OSBPL11: variants seen among roughly 807,000 people sequenced by gnomAD.
OSBPL11 encodes the protein oxysterol-binding protein-related protein 11.
In OSBPL11, 33 loss-of-function variants were observed where a neutral mutation model predicts 84.4. The observed-to-expected ratio is 0.39, with a 90% confidence interval of 0.30 to 0.52. OSBPL11 has a LOEUF of 0.52. OSBPL11 is among the 20% of genes least tolerant of loss of function. The pLI is 0.72. For missense variants in OSBPL11, 736 were observed against 901.1 expected, an observed-to-expected ratio of 0.82 and a Z score of 2.35; for synonymous variants, 276 against 310.2, an observed-to-expected ratio of 0.89 and a Z score of 1.16.
intron 12 of OSBPL11, among the ~76,000 whole-genome samples, chr3:125,531,479 C>T (rs1580027201): frequency 6.6e-6 from 1 of 150,996 alleles, no homozygotes; most frequent in Admixed American, 6.6e-5. Context: ...TTAGTAGAGA[C>T]TGGGTTTCTC....
At chr3:125,538,237 A>G (rs1222570834) in intron 11 of OSBPL11, among the ~76,000 whole-genome samples, 6 of 152,178 alleles carry the variant, frequency 3.9e-5, no homozygotes, top group Non-Finnish European at 8.8e-5. Flanking sequence ...TTTTTGCTCC[A>G]TTTACAATGT....
At chr3:125,560,026 C>T (rs559127387) in intron 8 of OSBPL11, among the ~76,000 whole-genome samples, 50 of 152,150 alleles carry the variant, frequency 3.3e-4, no homozygotes, top group African/African-American at 1.2e-3. Flanking sequence ...CTTTGGGAGG[C>T]CGAGGTGGGA....
At chr3:125,535,755 G>A (rs1446906619) in intron 11 of OSBPL11, among the ~76,000 whole-genome samples, 6 of 151,524 alleles carry the variant, frequency 4.0e-5, no homozygotes, top group Non-Finnish European at 7.4e-5. Flanking sequence ...GATTATAGGC[G>A]TGAGCCACCA....
intron 11 of OSBPL11, among the ~76,000 whole-genome samples, chr3:125,536,417 T>C (rs1935640704): frequency 6.6e-6 from 1 of 152,196 alleles, no homozygotes; most frequent in Admixed American, 6.5e-5. Flanking sequence ...ACTGGTTCAT[T>C]GAGTTATGCA....
chr3:125,540,173 C>T (rs1271906087), intron 10 of OSBPL11, among the ~76,000 whole-genome samples: 1 of 151,486 alleles, frequency 6.6e-6, no homozygotes, highest in Non-Finnish European at 1.5e-5. Context: ...ACTAAAAATA[C>T]AAAAAATTAG....
intron 5 of OSBPL11, among the ~76,000 whole-genome samples, chr3:125,575,001 A>G (rs1388885495): frequency 1.3e-5 from 2 of 152,198 alleles, no homozygotes; most frequent in Non-Finnish European, 2.9e-5. Context: ...GTTTTGGTAT[A>G]GTAACAAAGA....
chr3:125,571,826 C>A (rs1489642228), intron 5 of OSBPL11, among the ~76,000 whole-genome samples: 1 of 152,268 alleles, frequency 6.6e-6, no homozygotes, highest in African/African-American at 2.4e-5. Context: ...CATGGAGAAC[C>A]TCTGCTAGGG....
chr3:125,576,426 C>G, intron 4 of OSBPL11, 61 bp from the exon 5 acceptor site: 2 of 1,335,644 alleles, frequency 1.5e-6, no homozygotes, highest in South Asian at 1.5e-5. Context: ...TTCTAACCAT[C>G]AAACTACCAT....
chr3:125,547,255 A>C (rs2107592789), intron 10 of OSBPL11, 151 bp downstream of exon 10: 1 of 686,922 alleles, frequency 1.5e-6, no homozygotes, highest in Non-Finnish European at 2.2e-6. Context: ...CATGACTTTC[A>C]GAATGCTTTA....
intron 7 of OSBPL11, among the ~76,000 whole-genome samples, chr3:125,563,164 GATT>G (rs1354792759): frequency 1.3e-5 from 2 of 152,136 alleles, no homozygotes; most frequent in Non-Finnish European, 2.9e-5. Flanking sequence ...TACAGTGGTA[GATT>G]ATGAATAGAA....
At chr3:125,559,251 T>A (rs2922188) in intron 8 of OSBPL11, among the ~76,000 whole-genome samples, 1 of 152,092 alleles carries the variant, frequency 6.6e-6, no homozygotes, top group Non-Finnish European at 1.5e-5. Context: ...GTGTCAATGC[T>A]TTTCATAGTT....
intron 10 of OSBPL11, among the ~76,000 whole-genome samples, chr3:125,540,785 C>T (rs1935718402): frequency 6.6e-6 from 1 of 152,116 alleles, no homozygotes; most frequent in African/African-American, 2.4e-5. Context: ...CTGGGTATTA[C>T]AGGGTCCGTA....
intron 10 of OSBPL11, among the ~76,000 whole-genome samples, chr3:125,538,852 C>T (rs1935680335): frequency 6.6e-6 from 1 of 151,958 alleles, no homozygotes; most frequent in Admixed American, 6.6e-5. Context: ...GGAAAAAGGC[C>T]AGGAGTCAAA....
intron 2 of OSBPL11, among the ~76,000 whole-genome samples, chr3:125,582,695 T>C (rs1936447508): frequency 6.6e-6 from 1 of 152,214 alleles, no homozygotes; most frequent in South Asian, 2.1e-4. Context: ...CATTTAATAG[T>C]AACATCTGAG....
chr3:125,563,363 G>A (rs1050650997), intron 7 of OSBPL11, among the ~76,000 whole-genome samples: 1 of 151,974 alleles, frequency 6.6e-6, no homozygotes, highest in African/African-American at 2.4e-5. Context: ...TAAGATAATA[G>A]GTTAAGAAAC....
chr3:125,588,221 C>CAAAAAAAAAAAA (rs35794012), intron 1 of OSBPL11, among the ~76,000 whole-genome samples: 1 of 51,646 alleles, frequency 1.9e-5, no homozygotes, highest in Admixed American at 2.2e-4. Context: ...GACCCTGTCT[C>CAAAAAAAAAAAA]AAAAAAAAAA....
chr3:125,568,315 CA>C (rs1936191850), intron 5 of OSBPL11, among the ~76,000 whole-genome samples: 1 of 151,928 alleles, frequency 6.6e-6, no homozygotes, highest in African/African-American at 2.4e-5. Context: ...CTTGTAGTCT[CA>C]CCTACTTGGG....
chr3:125,554,349 G>C (rs1935958592), intron 8 of OSBPL11, among the ~76,000 whole-genome samples: 1 of 152,110 alleles, frequency 6.6e-6, no homozygotes, highest in Admixed American at 6.6e-5. Flanking sequence ...AACTCCTTTT[G>C]GAGTCACCAA....
rs563866841 is a variant in OSBPL11 at position 125,589,932 on chromosome 3, T to A, written c.164+4705A>T. On this transcript the variant is annotated intron_variant, in intron 1 of 12. Coordinates refer to ENST00000296220, the MANE Select transcript of OSBPL11 (RefSeq NM_022776.5). ...TTAGCCAGTGAGGAGCTCAAAATTT[T>A]AAAAAAAAGCAGGCCATCAAACACC... Among the ~76,000 whole-genome samples, 70 of 152,080 alleles carry A rather than the reference T, an allele frequency of 4.6e-4. 1 individual carries two copies. In the South Asian group the frequency reaches 0.012, roughly 27 times the overall value.
Sources: gnomAD v4.1 joint callset for allele counts (sites outside exome capture counted in the v4.1 genomes callset) on GRCh38, gnomAD v4.1.1 for gene constraint, MANE v1.5 for transcripts, NCBI Gene and HGNC (gene_info 2026-07-23, HGNC 2026-07-21) for gene names.